SFRP2: variants seen among roughly 807,000 people sequenced by gnomAD.
SFRP2 encodes secreted frizzled related protein 2.
SFRP2 carries 16 observed loss-of-function variants against 26.0 expected under a neutral mutation model. The observed-to-expected ratio is 0.61, with a 90% CI of 0.42 to 0.93. SFRP2 has a LOEUF of 0.93. SFRP2 is among the 40% of genes least tolerant of loss of function. SFRP2 has a pLI of 0.00. For synonymous variants in SFRP2, 173 were observed against 167.3 expected, an observed-to-expected ratio of 1.03 and a Z score of -0.26; for missense variants, 343 against 392.4, an observed-to-expected ratio of 0.87 and a Z score of 1.06.
rs2049790524 is a variant in SFRP2 at position 153,781,575 on chromosome 4, G to A, written c.764C>T (p.Ala255Val). The A allele has an allele frequency of 1.9e-6, 3 of 1,614,150 alleles. No individual in the cohort carries two copies. The highest frequency in any genetic ancestry group is 1.7e-6 in the Non-Finnish European group (2 of 1,180,018). The change falls in exon 3 of 3, where the codon GCG (alanine) becomes GTG (valine). Residue 255 changes from alanine (A) to valine (V), a missense_variant. By Grantham distance (64) the Ala-to-Val change is moderately conservative (BLOSUM62 0). Transcript: ENST00000274063. ...CTCEEMNDIN[A>V]PYLVMGQKQG... ...TTTCTGTCCCATGACCAGATAGGGC[G>A]CGTTGATGTCGTTCATCTCCTCACA...
chr4:153,782,547 A>G (rs1741138356), intron 2 of SFRP2, among the ~76,000 whole-genome samples: 1 of 152,252 alleles, frequency 6.6e-6, no homozygotes. Context: ...TGCTCTGGGA[A>G]AGAAAGCCCT....
rs1220706324 is a variant in SFRP2 at position 153,781,383 on chromosome 4, A to G, written c.*68T>C. The stretch of plus-strand genomic sequence containing the variant: ...GAGTGTGCTTGGGGAACGGGAGCTG[A>G]GATCCCGGAGCAGAAATGGTCAGCC... On this transcript the variant is annotated 3_prime_UTR_variant, in exon 3 of 3. Coordinates refer to ENST00000274063, the MANE Select transcript of SFRP2 (RefSeq NM_003013.3). 1 of 1,437,586 alleles carries G rather than the reference A, an allele frequency of 7.0e-7. No homozygotes were observed. Among genetic ancestry groups the G allele is most frequent in the Non-Finnish European group, 9.6e-7 (1 of 1,046,906 alleles). The allele number at this position is 1,437,586 out of a possible 1,614,324, so 89.1% of individuals were successfully genotyped here.
chr4:153,785,920 T>A lies in SFRP2; in HGVS notation c.527A>T (p.Lys176Ile). 1 of 1,605,146 alleles carries A rather than the reference T, an allele frequency of 6.2e-7. No homozygotes were observed. Among genetic ancestry groups the A allele is most frequent in the Non-Finnish European group, 8.5e-7 (1 of 1,176,160 alleles). ...GTCGTTGTCATCATCATTTTTATTT[T>A]TGCAGGCTTCACATACCTTTGGAGC... ...EEAPKVCEAC[K>I]NKNDDDNDIM... The change falls in exon 2 of 3, where the codon AAA becomes ATA. Residue 176 changes from lysine to isoleucine, a missense_variant. Coordinates refer to ENST00000274063, the MANE Select transcript of SFRP2 (RefSeq NM_003013.3).
chr4:153,784,694 C>T (rs549740099), intron 2 of SFRP2, among the ~76,000 whole-genome samples: 1 of 152,140 alleles, frequency 6.6e-6, no homozygotes, highest in Non-Finnish European at 1.5e-5. Context: ...CCCTCAGTCT[C>T]GAGGACTATG....
chr4:153,788,263 G>A (rs894345380), intron 1 of SFRP2, 71 bp downstream of exon 1: 2 of 1,537,046 alleles, frequency 1.3e-6, no homozygotes, highest in Non-Finnish European at 1.8e-6. Context: ...ACTGGGATGC[G>A]TGGCAGGGGC....
chr4:153,787,448 G>A (rs1741229117), intron 1 of SFRP2, among the ~76,000 whole-genome samples: 1 of 152,220 alleles, frequency 6.6e-6, no homozygotes, highest in Non-Finnish European at 1.5e-5. Flanking sequence ...AAGGGATTAG[G>A]AAGCTCCCTT....
intron 2 of SFRP2, among the ~76,000 whole-genome samples, chr4:153,784,095 C>T (rs570187286): frequency 5.9e-5 from 9 of 152,258 alleles, no homozygotes; most frequent in East Asian, 5.8e-4. Context: ...GGTGTGTGTG[C>T]ATGTTTCCCA....
In SFRP2 at chr4:153,789,055, G is replaced by A. The variant is rs1460547081; in HGVS notation, c.-220C>T. On this transcript the variant is annotated 5_prime_UTR_variant, in exon 1 of 3. Transcript: ENST00000274063. ...GCGCAGCTCCGGGGGGCTCCGACCC[G>A]GGGGAGCAGAATGAGCCGTTGCTGG... 9.7e-6 allele frequency: 5 copies of A among 514,636 alleles called. No homozygotes were observed. The East Asian group carries it at 1.0e-4, about 10-fold the overall frequency. 31.9% of individuals were successfully genotyped at this position (514,636 alleles called of 1,614,324 possible). A position where few individuals can be genotyped will look rare whatever the true frequency, so the allele number is the denominator to read the frequency against.
In SFRP2 at chr4:153,788,455, C is replaced by T. The variant is rs1266038024; in HGVS notation, c.381G>A (p.Pro127=). The T allele has an allele frequency of 1.2e-6, 2 of 1,614,182 alleles. No individual in the cohort carries two copies. Among genetic ancestry groups the T allele is most frequent in the Admixed American group, 1.7e-5 (1 of 60,030 alleles). Residue 127 remains proline (P), a synonymous_variant, in exon 1 of 3, where the codon CCG becomes CCA. Transcript: ENST00000274063. ...LCVQVKDRCA[P]VMSAFGFPWP... ...AGGGGAAGCCGAAGGCGGACATGAC[C>T]GGGGCGCAGCGGTCCTTCACCTGCA...
intron 2 of SFRP2, among the ~76,000 whole-genome samples, chr4:153,784,851 G>T (rs1741176384): frequency 6.6e-6 from 1 of 152,152 alleles, no homozygotes. Context: ...CACACCAAAA[G>T]GTACCTGCCC....
At position 153,788,339 on chromosome 4, in the gene SFRP2, T is replaced by A. The variant is rs777406941; in HGVS notation, c.497A>T (p.Glu166Val). Residue 166 changes from glutamate (E) to valine (V), a missense_variant, in exon 1 of 3, where the codon GAG (glutamate) becomes GTG (valine). Glu to Val is a moderately radical substitution (Grantham distance 121). Around this residue, in one of 2 missense-constraint regions of SFRP2, gnomAD observed 251 missense variants for 253.3 expected, o/e 0.99. Coordinates refer to ENST00000274063, the MANE Select transcript of SFRP2 (RefSeq NM_003013.3). ...ASSDHLLPAT[E>V]EAPKVCEACK... is the part of the protein sequence containing the mutation. Reference sequence around the variant, plus strand: ...AAGCAAGAGGGAAGGCTTACCTTCCTCGGTGGCTGGCAGGAGGTGGTCGCT... The same window carrying A: ...AAGCAAGAGGGAAGGCTTACCTTCCACGGTGGCTGGCAGGAGGTGGTCGCT... 1.2e-6 allele frequency: 2 copies of A among 1,609,908 alleles called. No individual in the cohort carries two copies. The highest frequency in any genetic ancestry group is 1.7e-6 in the Non-Finnish European group (2 of 1,177,332).
intron 1 of SFRP2, among the ~76,000 whole-genome samples, chr4:153,786,921 C>A (rs1222568313): frequency 6.6e-6 from 1 of 150,584 alleles, no homozygotes; most frequent in Non-Finnish European, 1.5e-5. Context: ...TTAATTATGT[C>A]TTTAAAATTT....
intron 2 of SFRP2, among the ~76,000 whole-genome samples, chr4:153,784,051 T>C (rs1741162664): frequency 6.6e-6 from 1 of 152,182 alleles, no homozygotes; most frequent in Non-Finnish European, 1.5e-5. Context: ...AAGGGGGTCT[T>C]CTGTAAGGTC....
intron 2 of SFRP2, among the ~76,000 whole-genome samples, chr4:153,784,059 G>A (rs551799638): frequency 6.6e-6 from 1 of 152,106 alleles, no homozygotes; most frequent in East Asian, 1.9e-4. Context: ...CTTCTGTAAG[G>A]TCAGCCACAA....
intron 1 of SFRP2, among the ~76,000 whole-genome samples, chr4:153,787,442 G>A (rs1161545833): frequency 6.6e-6 from 1 of 152,236 alleles, no homozygotes; most frequent in Admixed American, 6.5e-5. Context: ...CCCTGAAAGG[G>A]ATTAGGAAGC....
At chr4:153,785,788 T>C (rs931085131) in intron 2 of SFRP2, 76 bp downstream of exon 2, 1 of 934,036 alleles carries the variant, frequency 1.1e-6, no homozygotes, top group African/African-American at 1.7e-5. Flanking sequence ...AACATCATAA[T>C]GATTTGCACC....
chr4:153,787,182 A>G (rs1741224789), intron 1 of SFRP2, among the ~76,000 whole-genome samples: 1 of 152,232 alleles, frequency 6.6e-6, no homozygotes, highest in South Asian at 2.1e-4. Flanking sequence ...AACAAAATCA[A>G]ACATTTCCAA....
At chr4:153,788,034 G>A (rs1741238837) in intron 1 of SFRP2, among the ~76,000 whole-genome samples, 1 of 152,078 alleles carries the variant, frequency 6.6e-6, no homozygotes, top group Admixed American at 6.5e-5. Context: ...TTTTTAAACC[G>A]CCGTTCAGTT....
At position 153,781,573 on chromosome 4, in the gene SFRP2, G is replaced by A. The variant is rs1301528697; in HGVS notation, c.766C>T (p.Pro256Ser). 1 of 1,614,178 alleles carries A rather than the reference G, an allele frequency of 6.2e-7. No individual in the cohort carries two copies. Among genetic ancestry groups the A allele is most frequent in the African/African-American group, 1.3e-5 (1 of 75,048 alleles). The part of the protein sequence containing the change: ...TCEEMNDINA[P>S]YLVMGQKQGG... ...TGTTTCTGTCCCATGACCAGATAGG[G>A]CGCGTTGATGTCGTTCATCTCCTCA... The change falls in exon 3 of 3, where the codon CCC becomes TCC. Residue 256 changes from proline to serine, a missense_variant. Around this residue, in one of 2 missense-constraint regions of SFRP2, gnomAD observed 92 missense variants for 139.0 expected, o/e 0.66. Transcript: ENST00000274063.
Sources: allele counts gnomAD v4.1 joint callset (sites outside exome capture counted in the v4.1 genomes callset), GRCh38; gene constraint gnomAD v4.1.1; regional missense constraint gnomAD v4.1.1; transcripts MANE v1.5; gene names NCBI Gene and HGNC (gene_info 2026-07-23, HGNC 2026-07-21).